GC: variants seen among roughly 807,000 people sequenced by gnomAD.
The protein encoded by GC is GC vitamin D binding protein.
Under a neutral mutation model 56.7 loss-of-function variants are expected in GC, and 43 were observed. The ratio of observed to expected loss-of-function variants is 0.76; its 90% CI spans 0.59 to 0.98. The LOEUF (loss-of-function observed/expected upper bound fraction) is 0.98. GC is among the 50% of genes least tolerant of loss of function. The pLI is 0.00. For synonymous variants in GC, 216 were observed against 202.7 expected, an observed-to-expected ratio of 1.07 and a Z score of -0.56; for missense variants, 529 against 545.9, an observed-to-expected ratio of 0.97 and a Z score of 0.31.
intron 6 of GC, among the ~76,000 whole-genome samples, chr4:71,760,730 GAGCTGTTCC>G (rs937566542): frequency 6.6e-6 from 1 of 152,124 alleles, no homozygotes; most frequent in African/African-American, 2.4e-5. Context: ...GGTCTTTCCT[GAGCTGTTCC>G]CGTGACAGTG....
intron 12 of GC, among the ~76,000 whole-genome samples, chr4:71,744,479 A>AG (rs1553946181): frequency 6.8e-6 from 1 of 147,744 alleles, no homozygotes; most frequent in Non-Finnish European, 1.5e-5. Context: ...AAAAAAAAAA[A>AG]GATACTTCTG....
chr4:71,769,221 A>G (rs1742269247), intron 2 of GC, 110 bp downstream of exon 2: 2 of 769,274 alleles, frequency 2.6e-6, no homozygotes, highest in Non-Finnish European at 4.3e-6. Flanking sequence ...CTGTCCTCTT[A>G]CTCTTGGCAA....
chr4:71,792,236 G>A (rs762215439), intron 1 of GC, among the ~76,000 whole-genome samples: 3 of 152,268 alleles, frequency 2.0e-5, no homozygotes, highest in South Asian at 4.1e-4. Flanking sequence ...TTGAGGAATC[G>A]TCACACTGTT....
At chr4:71,758,214 A>G (rs1741850462) in intron 6 of GC, 43 bp from the exon 7 acceptor site, 2 of 1,575,110 alleles carry the variant, frequency 1.3e-6, no homozygotes, top group Non-Finnish European at 1.7e-6. Context: ...CAACATTCTC[A>G]GTTTTCTTGG....
chr4:71,790,854 G>A (rs1742951244), intron 1 of GC, among the ~76,000 whole-genome samples: 1 of 151,654 alleles, frequency 6.6e-6, no homozygotes, highest in African/African-American at 2.4e-5. Flanking sequence ...CCATGCTGGT[G>A]TGCTGCACCC....
At chr4:71,761,819 A>G (rs1382829100) in intron 6 of GC, among the ~76,000 whole-genome samples, 2 of 152,180 alleles carry the variant, frequency 1.3e-5, no homozygotes, top group African/African-American at 2.4e-5. Context: ...GATGCACAGA[A>G]GTCAAGAATT....
At chr4:71,748,930 G>T (rs1258766123) in intron 11 of GC, among the ~76,000 whole-genome samples, 2 of 152,064 alleles carry the variant, frequency 1.3e-5, no homozygotes, top group Admixed American at 6.5e-5. Flanking sequence ...GTTTTTTCAA[G>T]CAAATGTATG....
chr4:71,785,692 T>C (rs1742816632), upstream of GC, among the ~76,000 whole-genome samples: 1 of 151,820 alleles, frequency 6.6e-6, no homozygotes, highest in South Asian at 2.1e-4. Flanking sequence ...TCCTGATTAC[T>C]ATAAATCTAA....
chr4:71,799,780 G>T (rs1361502654), intron 1 of GC, among the ~76,000 whole-genome samples: 2 of 152,194 alleles, frequency 1.3e-5, no homozygotes, highest in Non-Finnish European at 2.9e-5. Flanking sequence ...AGCAGTGAAG[G>T]TTGTGGTGAA....
chr4:71,772,696 A>G (rs1332725830), intron 1 of GC, among the ~76,000 whole-genome samples: 1 of 152,094 alleles, frequency 6.6e-6, no homozygotes, highest in Non-Finnish European at 1.5e-5. Flanking sequence ...TTTTGAAACT[A>G]TTTTTGCTGG....
At chr4:71,746,121 G>T in intron 12 of GC, 30 bp downstream of exon 12, 1 of 804,060 alleles carries the variant, frequency 1.2e-6, no homozygotes, top group Non-Finnish European at 2.2e-6. Context: ...TGCTGGATCC[G>T]TTGGTCCTGC....
At chr4:71,751,739 A>C (rs1295143303) in intron 11 of GC, among the ~76,000 whole-genome samples, 2 of 152,080 alleles carry the variant, frequency 1.3e-5, no homozygotes, top group Non-Finnish European at 2.9e-5. Flanking sequence ...TCCAAAATTG[A>C]GGGGAGTAGG....
chr4:71,761,023 A>G (rs900982789), intron 6 of GC, among the ~76,000 whole-genome samples: 3 of 152,194 alleles, frequency 2.0e-5, no homozygotes, highest in African/African-American at 7.2e-5. Flanking sequence ...AGATACCCGA[A>G]AATGTGGAAG....
intron 12 of GC, among the ~76,000 whole-genome samples, chr4:71,742,227 G>A (rs967192685): frequency 6.6e-6 from 1 of 152,132 alleles, no homozygotes; most frequent in Non-Finnish European, 1.5e-5. Flanking sequence ...GTGGCATAAT[G>A]AGGCCCCCAA....
chr4:71,773,912 T>C (rs1578307072), intron 1 of GC, among the ~76,000 whole-genome samples: 1 of 152,218 alleles, frequency 6.6e-6, no homozygotes, highest in African/African-American at 2.4e-5. Flanking sequence ...TTAGTATTTT[T>C]TTAAATAAAT....
At chr4:71,743,420 A>C (rs1016206750) in intron 12 of GC, among the ~76,000 whole-genome samples, 1 of 152,208 alleles carries the variant, frequency 6.6e-6, no homozygotes, top group Non-Finnish European at 1.5e-5. Flanking sequence ...GAATAATTTA[A>C]TATATGATGA....
intron 1 of GC, among the ~76,000 whole-genome samples, chr4:71,799,455 C>T (rs1452365498): frequency 1.3e-5 from 2 of 152,100 alleles, no homozygotes; most frequent in Admixed American, 6.6e-5. Context: ...TCTGTCTAAC[C>T]CTAGCTCATA....
At chr4:71,751,180 T>C (rs2149294306) in intron 11 of GC, among the ~76,000 whole-genome samples, 1 of 152,252 alleles carries the variant, frequency 6.6e-6, no homozygotes, top group Admixed American at 6.5e-5. Flanking sequence ...GGGCTGACAT[T>C]TTCTGAAAAA....
chr4:71,769,858 C>G (rs535726872), intron 1 of GC, among the ~76,000 whole-genome samples: 2 of 152,260 alleles, frequency 1.3e-5, no homozygotes, highest in Non-Finnish European at 2.9e-5. Context: ...GAGACTGTCT[C>G]CACTCCAAGG....
Sources: gnomAD v4.1 joint callset for allele counts (sites outside exome capture counted in the v4.1 genomes callset) on GRCh38, gnomAD v4.1.1 for gene constraint, MANE v1.5 for transcripts, NCBI Gene and HGNC (gene_info 2026-07-23, HGNC 2026-07-21) for gene names.